The following OSBPL8 variants were observed in gnomAD, a reference collection of about 807,000 sequenced individuals.
The protein encoded by OSBPL8 is oxysterol binding protein like 8.
A neutral mutation model predicts 125.5 loss-of-function variants in OSBPL8; 59 were observed. The observed-to-expected ratio is 0.47, with a 90% confidence interval of 0.38 to 0.58. The LOEUF (loss-of-function observed/expected upper bound fraction) is 0.58, where lower values mean the gene tolerates loss of function less well. Ranked by LOEUF, OSBPL8 falls within the 20% of genes least tolerant of loss-of-function variation. The pLI is 0.00. For synonymous variants in OSBPL8, 330 were observed against 338.9 expected, an observed-to-expected ratio of 0.97 and a Z score of 0.29; for missense variants, 758 against 1,047.8, an observed-to-expected ratio of 0.72 and a Z score of 3.82.
intron 1 of OSBPL8, among the ~76,000 whole-genome samples, chr12:76,556,390 T>C (rs1218133774): frequency 6.6e-6 from 1 of 152,082 alleles, no homozygotes. Context: ...GGAAGAAAAA[T>C]TCCTTCTATC....
chr12:76,417,949 A>G (rs1345219214), intron 4 of OSBPL8, among the ~76,000 whole-genome samples: 1 of 151,534 alleles, frequency 6.6e-6, no homozygotes, highest in African/African-American at 2.4e-5. Flanking sequence ...ATTATTTGTA[A>G]TAATAATTAG....
intron 1 of OSBPL8, among the ~76,000 whole-genome samples, chr12:76,500,450 C>G (rs79573911): frequency 9.5e-6 from 1 of 104,894 alleles, no homozygotes; most frequent in Admixed American, 8.6e-5. Context: ...TAGAAGTATT[C>G]TCTTGATTCT....
intron 2 of OSBPL8, among the ~76,000 whole-genome samples, chr12:76,472,677 GGAGA>G (rs1413448376): frequency 6.6e-6 from 1 of 152,114 alleles, no homozygotes; most frequent in African/African-American, 2.4e-5. Flanking sequence ...AGAGAGACAG[GGAGA>G]GAGAGAGACA....
chr12:76,405,861 C>G (rs2037581), intron 5 of OSBPL8, among the ~76,000 whole-genome samples: 116,589 of 152,086 alleles, frequency 0.77, 45,575 homozygotes, highest in African/African-American at 0.93. Flanking sequence ...ACTACTGCTT[C>G]CCTCTTTGTT....
In OSBPL8 at chr12:76,442,145, G is replaced by A. The variant is rs529963506; in HGVS notation, c.217+8706C>T. On this transcript the variant is annotated intron_variant, in intron 4 of 23. Transcript: ENST00000261183. ...ATGTTCACCTTTCTGCTTTGTTAAAGAAACAATTAATAAGGCCGGGCAAGA... is the reference window on the plus strand; with the variant it reads ...ATGTTCACCTTTCTGCTTTGTTAAAAAAACAATTAATAAGGCCGGGCAAGA... Among the ~76,000 whole-genome samples the A allele has an allele frequency of 7.9e-5, 12 of 152,172 alleles. No homozygotes were observed. The East Asian group carries it at 2.1e-3, about 27-fold the overall frequency.
chr12:76,369,076 G>T, intron 21 of OSBPL8, 138 bp downstream of exon 21: 1 of 1,130,248 alleles, frequency 8.8e-7, no homozygotes, highest in Non-Finnish European at 1.2e-6. Flanking sequence ...ATGTTTCTTT[G>T]GGGTAAGAAG....
At chr12:76,521,826 C>CATATAT (rs1438790185) in intron 1 of OSBPL8, among the ~76,000 whole-genome samples, 1 of 152,014 alleles carries the variant, frequency 6.6e-6, no homozygotes, top group African/African-American at 2.4e-5. Context: ...GTTTAATGGA[C>CATATAT]ATACAGTTTC....
At chr12:76,417,005 C>G (rs1454128956) in intron 4 of OSBPL8, among the ~76,000 whole-genome samples, 2 of 152,182 alleles carry the variant, frequency 1.3e-5, no homozygotes, top group Non-Finnish European at 2.9e-5. Context: ...TACTCTCCTT[C>G]TGGGAAATAC....
chr12:76,547,871 C>T (rs994959801), intron 1 of OSBPL8, among the ~76,000 whole-genome samples: 2 of 151,884 alleles, frequency 1.3e-5, no homozygotes, highest in African/African-American at 4.8e-5. Flanking sequence ...TAGGGGACAA[C>T]GAAAGGGGAA....
chr12:76,414,923 G>A (rs1442386739), intron 4 of OSBPL8, among the ~76,000 whole-genome samples: 1 of 152,118 alleles, frequency 6.6e-6, no homozygotes, highest in Non-Finnish European at 1.5e-5. Context: ...TATTTCTAAT[G>A]TTAAGTCAAT....
chr12:76,465,246 G>A (rs1051405092), intron 2 of OSBPL8, among the ~76,000 whole-genome samples: 3 of 152,066 alleles, frequency 2.0e-5, no homozygotes, highest in African/African-American at 7.2e-5. Flanking sequence ...TATTAATAAG[G>A]GGATCATACA....
intron 1 of OSBPL8, among the ~76,000 whole-genome samples, chr12:76,526,432 A>G (rs1950173683): frequency 6.6e-6 from 1 of 152,024 alleles, no homozygotes; most frequent in South Asian, 2.1e-4. Context: ...CAGTGTACCA[A>G]TTTCATAATT....
chr12:76,435,578 T>C (rs185012558), intron 4 of OSBPL8, among the ~76,000 whole-genome samples: 16 of 152,258 alleles, frequency 1.1e-4, no homozygotes, highest in African/African-American at 2.9e-4. Flanking sequence ...GGTGAGGTGA[T>C]AGAAATGTTA....
rs867346994 is a variant in OSBPL8, at chr12:76,542,550, G to A, written c.-68+16847C>T. ...GTGTCTGATTCTACAGGTCTGGGGT[G>A]GAGTCCAATAATCTGCATTTCTACT... On this transcript the variant is annotated intron_variant, in intron 1 of 23. Coordinates refer to ENST00000261183, the MANE Select transcript of OSBPL8 (RefSeq NM_020841.5). Among the ~76,000 whole-genome samples, 9 of 152,296 alleles carry A rather than the reference G, an allele frequency of 5.9e-5. No homozygotes were observed. In the South Asian group the frequency reaches 6.2e-4, roughly 11 times the overall value.
chr12:76,514,878 C>T (rs549689546), intron 1 of OSBPL8, among the ~76,000 whole-genome samples: 1 of 152,274 alleles, frequency 6.6e-6, no homozygotes, highest in East Asian at 1.9e-4. Context: ...GTTTGTCTAT[C>T]TTATTTCAGA....
intron 5 of OSBPL8, among the ~76,000 whole-genome samples, chr12:76,405,520 T>C (rs1375516810): frequency 6.6e-6 from 1 of 152,154 alleles, no homozygotes; most frequent in Non-Finnish European, 1.5e-5. Flanking sequence ...TGGTTATTCC[T>C]AAAAGATTAC....
intron 2 of OSBPL8, among the ~76,000 whole-genome samples, chr12:76,486,488 A>T (rs1878146128): frequency 6.6e-6 from 1 of 152,204 alleles, no homozygotes; most frequent in Non-Finnish European, 1.5e-5. Context: ...TATTTCTAAG[A>T]GTCTATACAT....
intron 1 of OSBPL8, among the ~76,000 whole-genome samples, chr12:76,558,705 T>C (rs1202962983): frequency 1.3e-5 from 2 of 152,214 alleles, no homozygotes; most frequent in South Asian, 2.1e-4. Flanking sequence ...TAAATGACTT[T>C]TGTGAATGGA....
chr12:76,359,795 C>T (rs894228610), intron 21 of OSBPL8, among the ~76,000 whole-genome samples: 1 of 152,266 alleles, frequency 6.6e-6, no homozygotes, highest in Non-Finnish European at 1.5e-5. Context: ...ACCACGAGAA[C>T]AATATGGGGG....
Sources: gnomAD v4.1 joint callset for allele counts (sites outside exome capture counted in the v4.1 genomes callset) on GRCh38, gnomAD v4.1.1 for gene constraint, MANE v1.5 for transcripts, NCBI Gene and HGNC (gene_info 2026-07-23, HGNC 2026-07-21) for gene names.